Variants in CFAP61 observed in about 807,000 individuals in gnomAD.
CFAP61 encodes cilia- and flagella-associated protein 61.
Under a neutral mutation model 135.6 loss-of-function variants are expected in CFAP61, and 107 were observed. The ratio of observed to expected loss-of-function variants is 0.79; its 90% CI spans 0.67 to 0.93. CFAP61 has a LOEUF of 0.93. CFAP61 is among the 40% of genes least tolerant of loss of function. CFAP61 has a pLI of 0.00. For synonymous variants in CFAP61, 575 were observed against 578.5 expected, an observed-to-expected ratio of 0.99 and a Z score of 0.09; for missense variants, 1,507 against 1,556.2, an observed-to-expected ratio of 0.97 and a Z score of 0.53.
intron 17 of CFAP61, among the ~76,000 whole-genome samples, chr20:20,201,227 C>T (rs914781365): frequency 2.6e-5 from 4 of 152,182 alleles, no homozygotes; most frequent in African/African-American, 4.8e-5. Context: ...ATGCTTCTCT[C>T]GGTCTCTCTT....
At chr20:20,266,052 T>C (rs1348230502) in intron 21 of CFAP61, among the ~76,000 whole-genome samples, 1 of 152,134 alleles carries the variant, frequency 6.6e-6, no homozygotes, top group Admixed American at 6.5e-5. Context: ...TCCCAGGAAA[T>C]GCAGCAAAGA....
chr20:20,200,925 G>C (rs966380009), intron 17 of CFAP61: 2 of 985,306 alleles, frequency 2.0e-6, no homozygotes, highest in African/African-American at 3.5e-5. Flanking sequence ...ACCTCCATCA[G>C]ACCAACTCAG....
At chr20:20,205,611 A>G (rs947320251) in intron 17 of CFAP61, among the ~76,000 whole-genome samples, 1 of 152,206 alleles carries the variant, frequency 6.6e-6, no homozygotes, top group Non-Finnish European at 1.5e-5. Context: ...CTCCCAGTGC[A>G]GTTTGAATTT....
intron 13 of CFAP61, among the ~76,000 whole-genome samples, chr20:20,169,873 G>A (rs756072904): frequency 6.6e-6 from 1 of 152,164 alleles, no homozygotes; most frequent in Non-Finnish European, 1.5e-5. Flanking sequence ...GAGACAAAAT[G>A]GAGGTAGAAA....
intron 26 of CFAP61, among the ~76,000 whole-genome samples, chr20:20,351,363 C>T (rs2058826740): frequency 6.6e-6 from 1 of 151,792 alleles, no homozygotes; most frequent in Admixed American, 6.6e-5. Context: ...GGCAGATCAC[C>T]TGAGGTCGGG....
chr20:20,240,852 C>T (rs1017254195), intron 18 of CFAP61, among the ~76,000 whole-genome samples: 1 of 152,168 alleles, frequency 6.6e-6, no homozygotes, highest in East Asian at 1.9e-4. Flanking sequence ...CCTTAATAGG[C>T]AGCACTCTCT....
chr20:20,244,746 G>A (rs2050307447), intron 18 of CFAP61, among the ~76,000 whole-genome samples: 1 of 152,182 alleles, frequency 6.6e-6, no homozygotes, highest in Non-Finnish European at 1.5e-5. Context: ...CAGAAAATGG[G>A]ATTTTCTTTT....
intron 16 of CFAP61, among the ~76,000 whole-genome samples, chr20:20,197,867 TAG>T (rs1322514272): frequency 2.0e-5 from 3 of 152,206 alleles, no homozygotes; most frequent in African/African-American, 7.2e-5. Context: ...ATGTTCTGCC[TAG>T]AGTCTTTGAC....
At chr20:20,215,767 A>G (rs1183481992) in intron 17 of CFAP61, among the ~76,000 whole-genome samples, 2 of 152,160 alleles carry the variant, frequency 1.3e-5, no homozygotes, top group African/African-American at 4.8e-5. Context: ...CAAAGAACAT[A>G]GAGTGATTCT....
intron 25 of CFAP61, among the ~76,000 whole-genome samples, chr20:20,313,259 G>A (rs2056933420): frequency 6.6e-6 from 1 of 152,184 alleles, no homozygotes. Context: ...TAGAAAGAGA[G>A]CCCTCACCAG....
At chr20:20,357,022 G>A (rs531106255) in intron 26 of CFAP61, among the ~76,000 whole-genome samples, 1 of 125,178 alleles carries the variant, frequency 8.0e-6, no homozygotes, top group African/African-American at 3.1e-5. Flanking sequence ...CACTGTGAGG[G>A]GAGGTGGTCA....
At chr20:20,244,435 G>A (rs1410434760) in intron 18 of CFAP61, among the ~76,000 whole-genome samples, 1 of 152,224 alleles carries the variant, frequency 6.6e-6, no homozygotes, top group Non-Finnish European at 1.5e-5. Context: ...AACACCACAT[G>A]GAGGCTGCCA....
At chr20:20,098,616 A>AAAC (rs757101299) in intron 7 of CFAP61, 39 bp from the exon 8 acceptor site, 3 of 1,522,126 alleles carry the variant, frequency 2.0e-6, no homozygotes, top group Non-Finnish European at 2.6e-6. Flanking sequence ...TCAAAAAAAA[A>AAAC]AAAAAAAAAA....
At chr20:20,301,700 A>G (rs2424335) in intron 25 of CFAP61, among the ~76,000 whole-genome samples, 111,950 of 152,138 alleles carry the variant, frequency 0.74, 41,975 homozygotes, top group African/African-American at 0.89. Context: ...TCCACGGAGC[A>G]GGGCTGTCTT....
intron 3 of CFAP61, among the ~76,000 whole-genome samples, chr20:20,071,505 TGGTTCCCA>T (rs1413105277): frequency 1.3e-5 from 2 of 152,198 alleles, no homozygotes; most frequent in East Asian, 3.8e-4. Context: ...GCTAGGTTAG[TGGTTCCCA>T]GGAGTCTGGC....
At chr20:20,181,254 CTTTTATATGTATGTGTATGT>C (rs2055068566) in intron 13 of CFAP61, among the ~76,000 whole-genome samples, 1 of 124,264 alleles carries the variant, frequency 8.0e-6, no homozygotes, top group Non-Finnish European at 1.7e-5. Context: ...ATATATATAA[CTTTTATATGTATGTGTATGT>C]ATACACACAC....
intron 9 of CFAP61, among the ~76,000 whole-genome samples, chr20:20,156,871 T>A (rs1601033695): frequency 6.6e-6 from 1 of 152,178 alleles, no homozygotes; most frequent in African/African-American, 2.4e-5. Flanking sequence ...CATGGAGAGA[T>A]ATTCTATGTT....
chr20:20,085,273 G>C, intron 6 of CFAP61: 4 of 985,458 alleles, frequency 4.1e-6, no homozygotes, highest in Non-Finnish European at 4.8e-6. Flanking sequence ...TTGACTGCAT[G>C]AGTTGTTTTC....
chr20:20,108,870 A>G (rs1189059320), intron 8 of CFAP61, among the ~76,000 whole-genome samples: 2 of 152,232 alleles, frequency 1.3e-5, no homozygotes, highest in East Asian at 1.9e-4. Flanking sequence ...GGAAATTAAC[A>G]TGAATATGTT....
Sources: gnomAD v4.1 joint callset for allele counts (sites outside exome capture counted in the v4.1 genomes callset) on GRCh38, gnomAD v4.1.1 for gene constraint, MANE v1.5 for transcripts, NCBI Gene and HGNC (gene_info 2026-07-23, HGNC 2026-07-21) for gene names.